The following PRKD1 variants were observed in gnomAD, a reference collection of about 807,000 sequenced individuals.
PRKD1 encodes protein kinase D1, also known as serine/threonine-protein kinase D1.
Under a neutral mutation model 95.9 loss-of-function variants are expected in PRKD1, and 63 were observed. The observed-to-expected ratio is 0.66, with a 90% CI of 0.54 to 0.81. The LOEUF (loss-of-function observed/expected upper bound fraction) is 0.81, where lower values mean the gene tolerates loss of function less well. PRKD1 is among the 30% of genes least tolerant of loss of function. PRKD1 has a pLI of 0.00. For missense variants in PRKD1, 1,048 were observed against 1,165.3 expected (o/e 0.90, Z 1.47); for synonymous variants, 425 against 423.1 (o/e 1.00, Z -0.05).
chr14:29,761,443 G>T (rs899037739), intron 1 of PRKD1, among the ~76,000 whole-genome samples: 2 of 152,150 alleles, frequency 1.3e-5, no homozygotes, highest in African/African-American at 4.8e-5. Context: ...ATTACTAATA[G>T]CACTCAAATA....
At chr14:29,750,457 A>G (rs1303059372) in intron 1 of PRKD1, among the ~76,000 whole-genome samples, 1 of 152,190 alleles carries the variant, frequency 6.6e-6, no homozygotes, top group Non-Finnish European at 1.5e-5. Context: ...AGCTATACAT[A>G]CATTTAAGAA....
chr14:29,816,941 C>T (rs1890716875), intron 1 of PRKD1, among the ~76,000 whole-genome samples: 1 of 152,102 alleles, frequency 6.6e-6, no homozygotes, highest in Admixed American at 6.6e-5. Context: ...TATTTAGGGA[C>T]ATACTAGGCT....
intron 1 of PRKD1, among the ~76,000 whole-genome samples, chr14:29,739,843 A>G (rs954344236): frequency 1.6e-4 from 25 of 152,172 alleles, no homozygotes; most frequent in Admixed American, 1.3e-3. Flanking sequence ...CTTTTATTTT[A>G]ATTTGAATAA....
At chr14:29,833,657 C>T (rs1452558109) in intron 1 of PRKD1, among the ~76,000 whole-genome samples, 2 of 152,130 alleles carry the variant, frequency 1.3e-5, no homozygotes, top group African/African-American at 2.4e-5. Flanking sequence ...AAGTAGGAAA[C>T]ATTTCAGTAT....
At chr14:29,694,051 A>G (rs554444255) in intron 2 of PRKD1, among the ~76,000 whole-genome samples, 51 of 152,208 alleles carry the variant, frequency 3.4e-4, no homozygotes, top group African/African-American at 1.1e-3. Context: ...ACCTTCTACA[A>G]TCTGAATCTC....
chr14:29,737,172 ATTAGCCGG>A (rs1350544606), intron 1 of PRKD1, among the ~76,000 whole-genome samples: 1 of 148,822 alleles, frequency 6.7e-6, no homozygotes, highest in Non-Finnish European at 1.5e-5. Flanking sequence ...AATACAAAAA[ATTAGCCGG>A]GCGCGGTGGC....
At chr14:29,624,882 A>G (rs1879515135) in intron 12 of PRKD1, among the ~76,000 whole-genome samples, 1 of 152,180 alleles carries the variant, frequency 6.6e-6, no homozygotes, top group Non-Finnish European at 1.5e-5. Flanking sequence ...TTTAACTACT[A>G]TAACAAACTT....
chr14:29,783,310 A>G (rs1889130139), intron 1 of PRKD1, among the ~76,000 whole-genome samples: 1 of 152,152 alleles, frequency 6.6e-6, no homozygotes, highest in Non-Finnish European at 1.5e-5. Context: ...TTCCATCCAT[A>G]TTGCCACAAA....
Position 29,628,380 on chromosome 14 carries a change from C to G in PRKD1, c.1725+661G>C, listed in dbSNP as rs372808127. Among the ~76,000 whole-genome samples the G allele has an allele frequency of 5.3e-5, 8 of 152,200 alleles. No individual in the cohort carries two copies. In the South Asian group the frequency reaches 8.3e-4, roughly 16 times the overall value. On this transcript the variant is annotated intron_variant, in intron 11 of 17. Transcript: ENST00000331968. The stretch of plus-strand genomic sequence containing the variant: ...GGTCACAGGAGGAGGTAGAAAAGGC[C>G]TTATTACTTTTTGGCTACTTGCCAT...
intron 4 of PRKD1, among the ~76,000 whole-genome samples, chr14:29,648,663 C>T (rs1384827258): frequency 6.6e-6 from 1 of 151,106 alleles, no homozygotes; most frequent in Admixed American, 6.6e-5. Context: ...GCTGGGGCTT[C>T]TGTTTTTTTG....
At chr14:29,837,134 A>C (rs988549246) in intron 1 of PRKD1, among the ~76,000 whole-genome samples, 5 of 152,196 alleles carry the variant, frequency 3.3e-5, no homozygotes, top group African/African-American at 9.6e-5. Context: ...CACCATAAAT[A>C]ATTCCGAGAA....
At chr14:29,596,470 T>C (rs913243118) in intron 16 of PRKD1, among the ~76,000 whole-genome samples, 7 of 152,220 alleles carry the variant, frequency 4.6e-5, no homozygotes, top group African/African-American at 1.7e-4. Context: ...TTCTTTTTTT[T>C]TGAGATGGAG....
At chr14:29,860,396 C>A (rs1178432698) in intron 1 of PRKD1, among the ~76,000 whole-genome samples, 1 of 152,118 alleles carries the variant, frequency 6.6e-6, no homozygotes, top group Admixed American at 6.5e-5. Context: ...TAATGTAAGG[C>A]AAGATAGGTG....
At chr14:29,920,060 GGAAGGAAA>G (rs1342456173) in intron 1 of PRKD1, among the ~76,000 whole-genome samples, 1,541 of 121,460 alleles carry the variant, frequency 0.013, 33 homozygotes, top group African/African-American at 0.052. Context: ...AAGGAAGGAA[GGAAGGAAA>G]GAAGGAAGGA....
intron 16 of PRKD1, among the ~76,000 whole-genome samples, chr14:29,592,110 C>T (rs1371025833): frequency 6.6e-6 from 1 of 151,956 alleles, no homozygotes; most frequent in South Asian, 2.1e-4. Context: ...GACCTTTAAG[C>T]CTAATCCGGT....
chr14:29,912,192 T>A (rs1251358221), intron 1 of PRKD1, among the ~76,000 whole-genome samples: 4 of 152,162 alleles, frequency 2.6e-5, no homozygotes, highest in African/African-American at 9.7e-5. Context: ...CTTAACAACA[T>A]CTACAAAGTC....
chr14:29,922,263 T>C (rs1273095467), intron 1 of PRKD1, among the ~76,000 whole-genome samples: 1 of 140,800 alleles, frequency 7.1e-6, no homozygotes, highest in Non-Finnish European at 1.5e-5. Context: ...ATTGCACCAC[T>C]GCACTCCAGC....
At chr14:29,856,117 C>T (rs557154426) in intron 1 of PRKD1, among the ~76,000 whole-genome samples, 7 of 152,180 alleles carry the variant, frequency 4.6e-5, no homozygotes, top group South Asian at 2.1e-4. Context: ...ATATTGCATC[C>T]GATACCTCAC....
chr14:29,614,226 A>G (rs2146130), intron 13 of PRKD1, among the ~76,000 whole-genome samples: 146,058 of 152,320 alleles, frequency 0.96, 70,099 homozygotes, highest in Non-Finnish European at 0.98. Flanking sequence ...GTGTTGGTAT[A>G]AAGTGAATGA....
Sources: allele counts gnomAD v4.1 joint callset (sites outside exome capture counted in the v4.1 genomes callset), GRCh38; gene constraint gnomAD v4.1.1; transcripts MANE v1.5; gene names NCBI Gene and HGNC (gene_info 2026-07-23, HGNC 2026-07-21).